The following RCOR1 variants were observed in gnomAD, a reference collection of about 807,000 sequenced individuals.
RCOR1 encodes REST corepressor 1.
Under a neutral mutation model 64.0 loss-of-function variants are expected in RCOR1, and 12 were observed. The observed-to-expected ratio is 0.19, with a 90% confidence interval of 0.12 to 0.30. RCOR1 has a LOEUF of 0.30. Among genes scored for constraint, RCOR1 ranks in the 10% least tolerant of loss-of-function variants. The probability of loss-of-function intolerance (pLI) is 1.00; values close to 1 mark genes in which losing one functional copy is unlikely to be tolerated. For synonymous variants in RCOR1, 279 were observed against 227.2 expected (o/e 1.23, Z -2.05); for missense variants, 502 against 621.2 (o/e 0.81, Z 2.04).
intron 2 of RCOR1, among the ~76,000 whole-genome samples, chr14:102,613,170 C>T (rs909750549): frequency 6.6e-6 from 1 of 151,966 alleles, no homozygotes; most frequent in African/African-American, 2.4e-5. Context: ...GGCACAATCT[C>T]GGCTCATTGC....
rs775087569 is a variant in RCOR1 at position 102,722,225 on chromosome 14, G to A, written c.1228G>A (p.Asp410Asn). The A allele has an allele frequency of 5.6e-6, 9 of 1,614,044 alleles. No homozygotes were observed. In the East Asian group the frequency reaches 1.8e-4, roughly 32 times the overall value. Residue 410 changes from aspartate (D) to asparagine (N), a missense_variant, in exon 11 of 12, where the codon GAC becomes AAC. Asp to Asn is a conservative substitution (Grantham distance 23, BLOSUM62 1). This residue lies in a region of RCOR1 where 260 missense variants were observed against 416.4 expected (regional missense o/e 0.62). Transcript: ENST00000262241. ...TGGCCGAGATTTTCAGGCAATCTCA[G>A]ACGTGATTGGGAACAAATCAGTGGT... is the stretch of plus-strand genomic sequence containing the variant. ...KYGRDFQAIS[D>N]VIGNKSVVQV...
chr14:102,718,679 C>G (rs1896116144), intron 8 of RCOR1, among the ~76,000 whole-genome samples: 1 of 152,098 alleles, frequency 6.6e-6, no homozygotes, highest in Non-Finnish European at 1.5e-5. Flanking sequence ...CCTTTGCATC[C>G]TATTTCTTAC....
intron 2 of RCOR1, among the ~76,000 whole-genome samples, chr14:102,609,025 CTTTTTTTTT>C (rs1004210046): frequency 7.5e-5 from 8 of 107,004 alleles, no homozygotes; most frequent in African/African-American, 1.7e-4. Context: ...CTGTGCTTCA[CTTTTTTTTT>C]TTTTTTTTTT....
At chr14:102,629,448 C>G (rs12884793) in intron 2 of RCOR1, among the ~76,000 whole-genome samples, 9 of 149,360 alleles carry the variant, frequency 6.0e-5, no homozygotes, top group East Asian at 2.0e-4. Flanking sequence ...AGCCTCCCCC[C>G]CCCCCACCAC....
intron 8 of RCOR1, among the ~76,000 whole-genome samples, chr14:102,720,295 C>T (rs1196717749): frequency 6.6e-6 from 1 of 152,120 alleles, no homozygotes; most frequent in African/African-American, 2.4e-5. Flanking sequence ...TTCAAGGGTC[C>T]ATGGGAAAAT....
chr14:102,718,006 A>G (rs572957081), intron 8 of RCOR1, among the ~76,000 whole-genome samples: 2 of 152,300 alleles, frequency 1.3e-5, no homozygotes, highest in African/African-American at 4.8e-5. Context: ...CATGTTTGGT[A>G]TATCAAGGAT....
chr14:102,658,628 A>G (rs1894772683), intron 2 of RCOR1: 2 of 985,258 alleles, frequency 2.0e-6, no homozygotes, highest in Non-Finnish European at 2.4e-6. Context: ...CAGACCCCTC[A>G]CTTGGGTTCC....
At chr14:102,666,307 G>A (rs746992945) in intron 2 of RCOR1, among the ~76,000 whole-genome samples, 18 of 152,176 alleles carry the variant, frequency 1.2e-4, no homozygotes, top group South Asian at 6.2e-4. Flanking sequence ...TAAAGACAGC[G>A]GGGGAAGCAG....
At chr14:102,612,578 C>G (rs560574458) in intron 2 of RCOR1, among the ~76,000 whole-genome samples, 2 of 152,136 alleles carry the variant, frequency 1.3e-5, no homozygotes, top group South Asian at 2.1e-4. Context: ...TCAAGCAATC[C>G]ACCTGCTTCG....
chr14:102,623,592 T>G (rs140730373), intron 2 of RCOR1, among the ~76,000 whole-genome samples: 1 of 151,378 alleles, frequency 6.6e-6, no homozygotes, highest in African/African-American at 2.4e-5. Flanking sequence ...GTATTTTTAG[T>G]AGAGACAGGG....
At chr14:102,653,653 G>A (rs1403771708) in intron 2 of RCOR1, among the ~76,000 whole-genome samples, 1 of 152,060 alleles carries the variant, frequency 6.6e-6, no homozygotes, top group East Asian at 1.9e-4. Flanking sequence ...ATCCCCCTTG[G>A]TGCTATTTTC....
chr14:102,659,049 TG>T, intron 2 of RCOR1: 1 of 833,268 alleles, frequency 1.2e-6, no homozygotes, highest in Non-Finnish European at 1.4e-6. Context: ...TAGAGGGGAG[TG>T]GGGAATATTT....
Position 102,592,831 on chromosome 14 carries a change from C to A in RCOR1, c.-56C>A. ...CGCGCCCCCTCCCCCGTCTCGGCGCCCCCTCCTCAGGAGCCGCGGGTCCCC... is the reference window on the plus strand; with the variant it reads ...CGCGCCCCCTCCCCCGTCTCGGCGCACCCTCCTCAGGAGCCGCGGGTCCCC... On this transcript the variant is annotated 5_prime_UTR_variant, in exon 1 of 12. Coordinates refer to ENST00000262241, the MANE Select transcript of RCOR1 (RefSeq NM_015156.4). 2 of 1,174,558 alleles carry A rather than the reference C, an allele frequency of 1.7e-6. No homozygotes were observed. Among genetic ancestry groups the A allele is most frequent in the Non-Finnish European group, 2.1e-6 (2 of 952,118 alleles). 72.8% of individuals were successfully genotyped at this position (1,174,558 alleles called of 1,614,324 possible). A position where few individuals can be genotyped will look rare whatever the true frequency, so the allele number is the denominator to read the frequency against.
chr14:102,698,134 A>G (rs1308198066), intron 3 of RCOR1, among the ~76,000 whole-genome samples: 4 of 152,244 alleles, frequency 2.6e-5, no homozygotes, highest in Non-Finnish European at 4.4e-5. Context: ...TTCGGGATCT[A>G]CTGTTACTGT....
Position 102,728,080 on chromosome 14 carries a change from T to G in RCOR1, c.*1574T>G, listed in dbSNP as rs567453236. 6.5e-6 allele frequency: 1 copy of G among 152,742 alleles called. No homozygotes were observed. The highest frequency in any genetic ancestry group is 2.4e-5 in the African/African-American group (1 of 41,578). 9.5% of individuals were successfully genotyped at this position (152,742 alleles called of 1,614,324 possible). ...TGATATGTTTTGTCTCCCAAGCACC[T>G]TGTTTTTTGTTGTTGTTGTTGTTGT... is the stretch of plus-strand genomic sequence containing the variant. On this transcript the variant is annotated 3_prime_UTR_variant, in exon 12 of 12. Coordinates refer to ENST00000262241, the MANE Select transcript of RCOR1 (RefSeq NM_015156.4).
intron 2 of RCOR1, among the ~76,000 whole-genome samples, chr14:102,614,653 C>T (rs1246934162): frequency 6.6e-6 from 1 of 152,024 alleles, no homozygotes; most frequent in African/African-American, 2.4e-5. Flanking sequence ...GGTCAGTTTC[C>T]ATGGTATTGC....
In RCOR1 at chr14:102,722,170, C is replaced by G; in HGVS notation, c.1190-17C>G. The G allele has an allele frequency of 1.3e-6, 2 of 1,589,462 alleles. No homozygotes were observed. Among genetic ancestry groups the G allele is most frequent in the Non-Finnish European group, 1.7e-6 (2 of 1,160,626 alleles). On this transcript the variant is annotated splice_polypyrimidine_tract_variant and intron_variant, in intron 10 of 11. Transcript: ENST00000262241. ...TTTTTCTCTTGTATTTTAAAAAATG[C>G]TTTCTTACATCCTTAGCCATCAGGA...
At chr14:102,723,423 A>T (rs1896201186) in intron 11 of RCOR1, among the ~76,000 whole-genome samples, 4 of 152,140 alleles carry the variant, frequency 2.6e-5, no homozygotes, top group Admixed American at 2.6e-4. Flanking sequence ...TGGAGAAAGG[A>T]CCTCAAGGCA....
At chr14:102,598,270 G>C (rs1198165989) in intron 2 of RCOR1, among the ~76,000 whole-genome samples, 1 of 152,028 alleles carries the variant, frequency 6.6e-6, no homozygotes, top group Non-Finnish European at 1.5e-5. Context: ...TTTTTTGTCA[G>C]ATTTTACTTA....
Sources: allele counts gnomAD v4.1 joint callset (sites outside exome capture counted in the v4.1 genomes callset), GRCh38; gene constraint gnomAD v4.1.1; regional missense constraint gnomAD v4.1.1; transcripts MANE v1.5; gene names NCBI Gene and HGNC (gene_info 2026-07-23, HGNC 2026-07-21).